Variants in FSHR observed in about 807,000 individuals in gnomAD.
FSHR encodes follicle-stimulating hormone receptor.
Under a neutral mutation model 52.1 loss-of-function variants are expected in FSHR, and 46 were observed. The ratio of observed to expected loss-of-function variants is 0.88; its 90% CI spans 0.70 to 1.13. FSHR has a LOEUF of 1.13. Among genes scored for constraint, FSHR ranks in the 50% most tolerant of loss-of-function variants. The pLI is 0.00. For synonymous variants in FSHR, 399 were observed against 309.6 expected (o/e 1.29, Z -3.03); for missense variants, 964 against 834.6 (o/e 1.16, Z -1.91).
chr2:49,126,403 A>G (rs985895947), intron 1 of FSHR, among the ~76,000 whole-genome samples: 1 of 152,210 alleles, frequency 6.6e-6, no homozygotes, highest in African/African-American at 2.4e-5. Flanking sequence ...AATGCATAAT[A>G]TAACAATATT....
chr2:49,082,255 G>C (rs537309185), intron 1 of FSHR, among the ~76,000 whole-genome samples: 2 of 152,132 alleles, frequency 1.3e-5, no homozygotes, highest in Admixed American at 6.5e-5. Flanking sequence ...TCACACAGCC[G>C]GGTACTCCAA....
intron 1 of FSHR, among the ~76,000 whole-genome samples, chr2:49,120,842 T>C (rs1008644392): frequency 6.6e-6 from 1 of 152,246 alleles, no homozygotes; most frequent in African/African-American, 2.4e-5. Flanking sequence ...TCTTTTCCAC[T>C]TTGCTTTCAT....
intron 2 of FSHR, among the ~76,000 whole-genome samples, chr2:49,064,155 CTA>C (rs1355955735): frequency 6.6e-6 from 1 of 151,772 alleles, no homozygotes; most frequent in African/African-American, 2.4e-5. Context: ...AAATATTACT[CTA>C]TGTTGAAAAT....
intron 1 of FSHR, among the ~76,000 whole-genome samples, chr2:49,084,585 G>A (rs548680738): frequency 8.5e-5 from 13 of 152,208 alleles, no homozygotes; most frequent in Middle Eastern, 3.4e-3. Context: ...CAACAAAATT[G>A]ATAGACCGCT....
In FSHR at chr2:49,075,162, T is replaced by C. The variant is rs527525017; in HGVS notation, c.153-6872A>G. 2.6e-5 allele frequency among the ~76,000 whole-genome samples: 4 copies of C among 152,230 alleles called. No individual in the cohort carries two copies. The South Asian group carries it at 8.3e-4, about 32-fold the overall frequency. The stretch of plus-strand genomic sequence containing the variant: ...GACTATAGTTAACAATAATATATAG[T>C]TGCAAATCATAAAGAAGGATATTGA... On this transcript the variant is annotated intron_variant, in intron 1 of 9. Transcript: ENST00000406846.
At chr2:49,120,755 C>T (rs1181836145) in intron 1 of FSHR, among the ~76,000 whole-genome samples, 3 of 152,212 alleles carry the variant, frequency 2.0e-5, no homozygotes, top group African/African-American at 4.8e-5. Flanking sequence ...GGCTACAAGG[C>T]CAGCTCTTTG....
intron 1 of FSHR, among the ~76,000 whole-genome samples, chr2:49,089,598 C>T (rs1001729201): frequency 6.6e-6 from 1 of 152,152 alleles, no homozygotes; most frequent in Non-Finnish European, 1.5e-5. Context: ...AACAGCTCAT[C>T]CAGGCTGCAA....
rs1271231652 is a variant in FSHR at position 49,020,142 on chromosome 2, A to G, written c.243T>C (p.Asp81=). ...CATCTGCCTCTATCACCTCCAAGACATCATTCTGAGAGATCTCTCTGTGGA... is the reference window on the plus strand; with the variant it reads ...CATCTGCCTCTATCACCTCCAAGACGTCATTCTGAGAGATCTCTCTGTGGA... ...DLEKIEISQN[D]VLEVIEADVF... is the part of the protein sequence containing the mutation. The change falls in exon 3 of 10, where the codon GAT becomes GAC. Residue 81 remains aspartate (D), a synonymous_variant. Coordinates refer to ENST00000406846, the MANE Select transcript of FSHR (RefSeq NM_000145.4). 3 of 1,613,420 alleles carry G rather than the reference A, an allele frequency of 1.9e-6. No individual in the cohort carries two copies. Among genetic ancestry groups the G allele is most frequent in the Admixed American group, 1.7e-5 (1 of 59,990 alleles).
At chr2:49,129,594 C>G (rs2103806893) in intron 1 of FSHR, among the ~76,000 whole-genome samples, 1 of 152,152 alleles carries the variant, frequency 6.6e-6, no homozygotes, top group South Asian at 2.1e-4. Flanking sequence ...GTTAGGATTC[C>G]TGGTCATTCT....
intron 4 of FSHR, among the ~76,000 whole-genome samples, chr2:49,010,317 T>A (rs1393378853): frequency 6.8e-6 from 1 of 147,216 alleles, no homozygotes; most frequent in Non-Finnish European, 1.5e-5. Context: ...TCTGTTTATA[T>A]GCTGGATTAC....
chr2:49,086,150 G>C lies in FSHR; in HGVS notation c.153-17860C>G, dbSNP rs146419195. On this transcript the variant is annotated intron_variant, in intron 1 of 9. Coordinates refer to ENST00000406846, the MANE Select transcript of FSHR (RefSeq NM_000145.4). ...AGAAAGGTTTTCTTAGGATATGGGA[G>C]AGCAGTTGTTATAAAGTAAAAACTA... Among the ~76,000 whole-genome samples, 55 of 152,270 alleles carry C rather than the reference G, an allele frequency of 3.6e-4. 1 individual carries two copies. In the East Asian group the frequency reaches 9.2e-3, roughly 26 times the overall value.
Position 49,154,273 on chromosome 2 carries a change from T to C in FSHR, c.145A>G (p.Ile49Val), listed in dbSNP as rs1014049192. The C allele has an allele frequency of 1.3e-5, 21 of 1,613,764 alleles. No homozygotes were observed. The highest frequency in any genetic ancestry group is 1.6e-5 in the Non-Finnish European group (19 of 1,179,852). Residue 49 changes from isoleucine to valine, a missense_variant, in exon 1 of 10, where the codon ATT becomes GTT. By Grantham distance (29) the Ile-to-Val change is conservative. Coordinates refer to ENST00000406846, the MANE Select transcript of FSHR (RefSeq NM_000145.4). Reference sequence around the variant, plus strand: ...CCTCCCTCTGATACTCACAGTTCAATGGCATTCCTCGGGAGGTCAGAAGGA... The same window carrying C: ...CCTCCCTCTGATACTCACAGTTCAACGGCATTCCTCGGGAGGTCAGAAGGA... ...EIPSDLPRNA[I>V]ELRFVLTKLR...
Position 48,994,203 on chromosome 2 carries a change from T to C in FSHR, c.375-3566A>G, listed in dbSNP as rs189686484. On this transcript the variant is annotated intron_variant, in intron 4 of 9. Coordinates refer to ENST00000406846, the MANE Select transcript of FSHR (RefSeq NM_000145.4). Reference sequence around the variant, plus strand: ...TTCACTGCCTATGTTTATTACAGCTTACTCATTCAACGTTATTTGGGTAGC... The same window carrying C: ...TTCACTGCCTATGTTTATTACAGCTCACTCATTCAACGTTATTTGGGTAGC... Among the ~76,000 whole-genome samples, 408 of 152,328 alleles carry C rather than the reference T, an allele frequency of 2.7e-3. 1 individual carries two copies. The highest frequency in any genetic ancestry group is 3.6e-3 in the Non-Finnish European group (244 of 68,018).
chr2:49,060,607 C>T (rs530242475), intron 2 of FSHR, among the ~76,000 whole-genome samples: 2 of 152,260 alleles, frequency 1.3e-5, no homozygotes, highest in East Asian at 3.9e-4. Context: ...AGTCAATGCC[C>T]TGGCCAAGCT....
At chr2:49,031,196 C>A (rs577639669) in intron 2 of FSHR, among the ~76,000 whole-genome samples, 3 of 152,074 alleles carry the variant, frequency 2.0e-5, no homozygotes. Context: ...TGGCTCTGTG[C>A]GGAGGGAGAA....
intron 1 of FSHR, among the ~76,000 whole-genome samples, chr2:49,117,815 T>G (rs1034852967): frequency 2.6e-5 from 4 of 152,228 alleles, no homozygotes; most frequent in African/African-American, 9.6e-5. Context: ...TTCAATTGTT[T>G]CACTGAGATC....
At chr2:49,027,068 G>A (rs1256447243) in intron 2 of FSHR, among the ~76,000 whole-genome samples, 1 of 152,096 alleles carries the variant, frequency 6.6e-6, no homozygotes, top group African/African-American at 2.4e-5. Context: ...CCTGCCAACG[G>A]CTCTGTCTGA....
intron 2 of FSHR, among the ~76,000 whole-genome samples, chr2:49,038,448 C>T (rs536593969): frequency 4.8e-4 from 73 of 151,562 alleles, no homozygotes; most frequent in African/African-American, 1.7e-3. Context: ...GGTGAAACCC[C>T]GTCTCTACTA....
chr2:49,078,813 C>A (rs527725547), intron 1 of FSHR, among the ~76,000 whole-genome samples: 2 of 152,214 alleles, frequency 1.3e-5, no homozygotes, highest in East Asian at 3.9e-4. Flanking sequence ...TGGAATGAGA[C>A]AATGATGCTG....
Sources: allele counts gnomAD v4.1 joint callset (sites outside exome capture counted in the v4.1 genomes callset), GRCh38; gene constraint gnomAD v4.1.1; transcripts MANE v1.5; gene names NCBI Gene and HGNC (gene_info 2026-07-23, HGNC 2026-07-21).